DENND4A: variants seen among roughly 807,000 people sequenced by gnomAD.
DENND4A encodes the protein DENN domain containing 4A.
A neutral mutation model predicts 199.3 loss-of-function variants in DENND4A; 70 were observed. The observed-to-expected ratio is 0.35, with a 90% CI of 0.29 to 0.43. DENND4A has a LOEUF of 0.43. Ranked by LOEUF, DENND4A falls within the 20% of genes least tolerant of loss-of-function variation. The pLI is 1.00. For missense variants in DENND4A, 1,723 were observed against 2,255.8 expected (o/e 0.76, Z 4.78); for synonymous variants, 686 against 766.9 (o/e 0.89, Z 1.74).
At position 65,691,350 on chromosome 15, in the gene DENND4A, C is replaced by A; in HGVS notation, c.3244G>T (p.Val1082Leu). The A allele has an allele frequency of 6.2e-7, 1 of 1,613,558 alleles. No individual in the cohort carries two copies. The highest frequency in any genetic ancestry group is 2.2e-5 in the East Asian group (1 of 44,864). ...CTATTGAGCATAAATCCCATCAGTACCCCTCCACTAAGATTACGGTTTCTA... is the reference window on the plus strand; with the variant it reads ...CTATTGAGCATAAATCCCATCAGTAACCCTCCACTAAGATTACGGTTTCTA... The part of the protein sequence containing the change: ...GNRNRNLSGG[V>L]LMGFMLNRIN... The change falls in exon 23 of 33, where the codon GTA becomes TTA. Residue 1082 changes from valine to leucine, a missense_variant. Physicochemically the swap from Val to Leu is conservative, Grantham distance 32. This residue lies in a region of DENND4A where 650 missense variants were observed against 738.1 expected (regional missense o/e 0.88). Transcript: ENST00000443035.
intron 23 of DENND4A, among the ~76,000 whole-genome samples, chr15:65,679,978 T>C (rs1375578824): frequency 1.3e-5 from 2 of 152,174 alleles, no homozygotes; most frequent in Non-Finnish European, 2.9e-5. Flanking sequence ...AACCCTACTT[T>C]CTTTCTCATC....
Position 65,676,579 on chromosome 15 carries a change from G to C in DENND4A, c.4235C>G (p.Ser1412Cys). Reference protein sequence around the residue: ...LSSVGAQDSESTSLTDEDVCH... With the variant: ...LSSVGAQDSECTSLTDEDVCH... Reference sequence around the variant, plus strand: ...GACATCTTCATCTGTTAAAGAGGTAGATTCAGAATCCTGGGCTCCCACTGA... The same window carrying C: ...GACATCTTCATCTGTTAAAGAGGTACATTCAGAATCCTGGGCTCCCACTGA... Residue 1412 changes from serine to cysteine, a missense_variant, in exon 24 of 33, where the codon TCT becomes TGT. Ser to Cys is a moderately radical substitution (Grantham distance 112). Around this residue, in one of 6 missense-constraint regions of DENND4A, gnomAD observed 650 missense variants for 738.1 expected, o/e 0.88. Coordinates refer to ENST00000443035, the MANE Select transcript of DENND4A (RefSeq NM_001320835.1). 6.2e-7 allele frequency: 1 copy of C among 1,613,574 alleles called. No homozygotes were observed. Among genetic ancestry groups the C allele is most frequent in the Non-Finnish European group, 8.5e-7 (1 of 1,179,714 alleles).
At chr15:65,788,620 G>A (rs1294977877) in intron 1 of DENND4A, among the ~76,000 whole-genome samples, 1 of 151,946 alleles carries the variant, frequency 6.6e-6, no homozygotes, top group African/African-American at 2.4e-5. Context: ...CACTTTGGGA[G>A]GCCAACGCGG....
intron 24 of DENND4A, among the ~76,000 whole-genome samples, chr15:65,675,941 C>T (rs968279228): frequency 3.3e-5 from 5 of 151,618 alleles, no homozygotes; most frequent in African/African-American, 7.3e-5. Flanking sequence ...ATAGGGAAGT[C>T]GCTAAAATAA....
chr15:65,704,797 G>A (rs532095535), intron 15 of DENND4A, among the ~76,000 whole-genome samples: 1 of 151,986 alleles, frequency 6.6e-6, no homozygotes, highest in Non-Finnish European at 1.5e-5. Flanking sequence ...TCACCATGTT[G>A]GCCAGGTTGG....
At chr15:65,680,680 AC>A (rs2076542166) in intron 23 of DENND4A, 1 of 152,202 alleles carries the variant, frequency 6.6e-6, no homozygotes, top group Non-Finnish European at 1.5e-5. Flanking sequence ...CAATGAAGGC[AC>A]TGTACAGACC....
At chr15:65,772,869 C>A (rs989423976) in intron 1 of DENND4A, among the ~76,000 whole-genome samples, 1 of 151,824 alleles carries the variant, frequency 6.6e-6, no homozygotes, top group Non-Finnish European at 1.5e-5. Context: ...CTGTTTCCAC[C>A]ATGTGAGGAT....
intron 24 of DENND4A, among the ~76,000 whole-genome samples, chr15:65,675,400 C>T (rs1207402970): frequency 6.6e-6 from 1 of 151,750 alleles, no homozygotes; most frequent in Non-Finnish European, 1.5e-5. Context: ...ACTCACAATC[C>T]AGAAGCAATA....
intron 14 of DENND4A, among the ~76,000 whole-genome samples, chr15:65,710,476 C>T (rs921044703): frequency 6.6e-6 from 1 of 152,056 alleles, no homozygotes; most frequent in African/African-American, 2.4e-5. Context: ...TGCCACTGTT[C>T]GTAAGGGAAG....
intron 4 of DENND4A, among the ~76,000 whole-genome samples, chr15:65,748,342 G>A (rs1388397403): frequency 6.6e-6 from 1 of 151,954 alleles, no homozygotes; most frequent in Non-Finnish European, 1.5e-5. Flanking sequence ...TTACAGCTAA[G>A]CAAAGTCACT....
chr15:65,688,801 A>T (rs1173825864), intron 23 of DENND4A, among the ~76,000 whole-genome samples: 2 of 152,014 alleles, frequency 1.3e-5, no homozygotes, highest in Non-Finnish European at 1.5e-5. Flanking sequence ...GAAATGATAA[A>T]CTCATTTCTG....
At chr15:65,724,367 CT>C (rs1483373728) in intron 11 of DENND4A, among the ~76,000 whole-genome samples, 2 of 137,954 alleles carry the variant, frequency 1.4e-5, no homozygotes, top group African/African-American at 5.9e-5. Context: ...GCTGACTCTA[CT>C]TTTTTTTGAA....
chr15:65,724,664 T>A (rs1275811637), intron 11 of DENND4A, among the ~76,000 whole-genome samples: 1 of 152,178 alleles, frequency 6.6e-6, no homozygotes, highest in African/African-American at 2.4e-5. Flanking sequence ...CCCCTCTATC[T>A]TTCCACAAAT....
intron 11 of DENND4A, 25 bp downstream of exon 11, chr15:65,729,047 T>C (rs1567052818): frequency 1.9e-6 from 3 of 1,554,370 alleles, no homozygotes; most frequent in Non-Finnish European, 2.6e-6. Context: ...AAAATATACA[T>C]GTAGAATCAC....
At chr15:65,791,580 C>T (rs2077724938) in intron 1 of DENND4A, among the ~76,000 whole-genome samples, 1 of 151,976 alleles carries the variant, frequency 6.6e-6, no homozygotes, top group African/African-American at 2.4e-5. Context: ...AGTGGGCCTG[C>T]AGGCACCCCG....
chr15:65,729,624 T>C lies in DENND4A; in HGVS notation c.1221A>G (p.Thr407=). The C allele has an allele frequency of 6.3e-7, 1 of 1,575,204 alleles. No individual in the cohort carries two copies. The highest frequency in any genetic ancestry group is 1.2e-5 in the South Asian group (1 of 85,864). ...LQNLGPENAV[T]LLVFAVTEHK... ...GTTCTGTTACTGCAAACACCAGTAG[T>C]GTCACAGCATTTTCAGGGCCTAAAT... The change falls in exon 10 of 33, where the codon ACA becomes ACG. Residue 407 remains threonine, a synonymous_variant. Coordinates refer to ENST00000443035, the MANE Select transcript of DENND4A (RefSeq NM_001320835.1).
intron 5 of DENND4A, 79 bp from the exon 6 acceptor site, chr15:65,738,954 T>C: frequency 8.9e-7 from 1 of 1,127,428 alleles, no homozygotes; most frequent in Non-Finnish European, 1.2e-6. Flanking sequence ...TAAAATGCTT[T>C]GTTATTTCAC....
In DENND4A at chr15:65,740,744, T is replaced by C. The variant is rs1055163718; in HGVS notation, c.631+971A>G. ...AGGAGGCTGAGGCAAGAGGAGCGCTTGAGCCCAAGAGTTTAAGACCAACCT... is the reference window on the plus strand; with the variant it reads ...AGGAGGCTGAGGCAAGAGGAGCGCTCGAGCCCAAGAGTTTAAGACCAACCT... On this transcript the variant is annotated intron_variant, in intron 5 of 32. Transcript: ENST00000443035. 9.9e-5 allele frequency among the ~76,000 whole-genome samples: 15 copies of C among 152,060 alleles called. 1 individual carries two copies. Among genetic ancestry groups the C allele is most frequent in the African/African-American group, 3.6e-4 (15 of 41,478 alleles).
chr15:65,769,010 A>C (rs926872471), intron 1 of DENND4A, among the ~76,000 whole-genome samples: 1 of 151,344 alleles, frequency 6.6e-6, no homozygotes. Context: ...AAACCAAAAA[A>C]CAAAAAAAAA....
Sources: gnomAD v4.1 joint callset for allele counts (sites outside exome capture counted in the v4.1 genomes callset) on GRCh38, gnomAD v4.1.1 for gene constraint, gnomAD v4.1.1 regional missense constraint, MANE v1.5 for transcripts, NCBI Gene and HGNC (gene_info 2026-07-23, HGNC 2026-07-21) for gene names.